GRM8: variants seen among roughly 807,000 people sequenced by gnomAD.
GRM8 encodes metabotropic glutamate receptor 8.
A neutral mutation model predicts 87.2 loss-of-function variants in GRM8; 47 were observed. That is an observed-to-expected ratio of 0.54 (90% CI 0.43 to 0.69). The LOEUF is 0.69. Ranked by LOEUF, GRM8 falls within the 30% of genes least tolerant of loss-of-function variation. GRM8 has a pLI of 0.00. For missense variants in GRM8, 1,019 were observed against 1,139.2 expected (o/e 0.89, Z 1.52); for synonymous variants, 396 against 404.5 (o/e 0.98, Z 0.25).
rs370701034 is a variant in GRM8, at chr7:126,446,186, C to T, written c.2617G>A (p.Gly873Arg). The change falls in exon 10 of 11, where the codon GGA becomes AGA. Residue 873 changes from glycine (G) to arginine (R), a missense_variant. By Grantham distance (125) the Gly-to-Arg change is moderately radical. Coordinates refer to ENST00000339582, the MANE Select transcript of GRM8 (RefSeq NM_000845.3). ...ACCTCGCCATTTGGTCTGTCATTTCCTTTTTGGATCAGTTTGCTTTGCATG... is the reference window on the plus strand; with the variant it reads ...ACCTCGCCATTTGGTCTGTCATTTCTTTTTTGGATCAGTTTGCTTTGCATG... ...ATMQSKLIQK[G>R]NDRPNGEVKS... 2 of 1,613,052 alleles carry T rather than the reference C, an allele frequency of 1.2e-6. No individual in the cohort carries two copies. Among genetic ancestry groups the T allele is most frequent in the African/African-American group, 1.3e-5 (1 of 74,948 alleles).
At chr7:126,961,545 G>A (rs935285319) in intron 3 of GRM8, among the ~76,000 whole-genome samples, 2 of 152,166 alleles carry the variant, frequency 1.3e-5, no homozygotes, top group East Asian at 1.9e-4. Flanking sequence ...TCAGCACCAT[G>A]GGATCCTACT....
chr7:127,200,018 G>T (rs1795500666), intron 2 of GRM8, among the ~76,000 whole-genome samples: 1 of 152,152 alleles, frequency 6.6e-6, no homozygotes, highest in Non-Finnish European at 1.5e-5. Flanking sequence ...TAAAGCTTTG[G>T]TATGGACTAA....
intron 8 of GRM8, among the ~76,000 whole-genome samples, chr7:126,586,741 A>G (rs912245521): frequency 1.3e-5 from 2 of 152,224 alleles, no homozygotes; most frequent in Non-Finnish European, 1.5e-5. Context: ...AAGAAAACCT[A>G]GGCAATACCA....
At chr7:126,672,902 T>C (rs1209190642) in intron 7 of GRM8, among the ~76,000 whole-genome samples, 2 of 152,174 alleles carry the variant, frequency 1.3e-5, no homozygotes, top group African/African-American at 4.8e-5. Flanking sequence ...ATCTGCCTGC[T>C]GTTTCCCCAA....
intron 3 of GRM8, among the ~76,000 whole-genome samples, chr7:127,104,774 T>C (rs1484285125): frequency 2.6e-5 from 4 of 152,190 alleles, no homozygotes; most frequent in African/African-American, 7.2e-5. Context: ...ACCATCTAAA[T>C]CCTTTTATGT....
At chr7:126,570,454 T>G (rs1024170584) in intron 8 of GRM8, among the ~76,000 whole-genome samples, 1 of 152,146 alleles carries the variant, frequency 6.6e-6, no homozygotes, top group African/African-American at 2.4e-5. Context: ...TGTATGAATA[T>G]AAAATAAACT....
chr7:126,903,662 T>C (rs1162363549), intron 5 of GRM8, among the ~76,000 whole-genome samples: 1 of 133,334 alleles, frequency 7.5e-6, no homozygotes, highest in Non-Finnish European at 1.6e-5. Flanking sequence ...TGTGTATATA[T>C]ATATGTATAT....
At chr7:127,062,992 C>G (rs1432662229) in intron 3 of GRM8, among the ~76,000 whole-genome samples, 1 of 152,134 alleles carries the variant, frequency 6.6e-6, no homozygotes. Context: ...GTGGCTCACA[C>G]CTGTAATCCC....
chr7:127,142,543 T>A (rs1357175480), intron 2 of GRM8, among the ~76,000 whole-genome samples: 1 of 152,188 alleles, frequency 6.6e-6, no homozygotes, highest in African/African-American at 2.4e-5. Flanking sequence ...CTCAAATTAA[T>A]TCAGAAATTT....
chr7:126,924,319 C>T (rs552161536), intron 3 of GRM8, among the ~76,000 whole-genome samples: 7 of 152,296 alleles, frequency 4.6e-5, no homozygotes, highest in African/African-American at 9.6e-5. Flanking sequence ...TTAAATCTCA[C>T]GGATTTCAAA....
intron 9 of GRM8, among the ~76,000 whole-genome samples, chr7:126,509,247 G>T (rs1181785725): frequency 1.3e-5 from 2 of 152,010 alleles, no homozygotes; most frequent in Non-Finnish European, 2.9e-5. Context: ...GGTTATTGCT[G>T]CAAGAGAATG....
chr7:127,247,619 C>A (rs1231463809), intron 1 of GRM8, among the ~76,000 whole-genome samples: 2 of 152,058 alleles, frequency 1.3e-5, no homozygotes, highest in Admixed American at 1.3e-4. Context: ...GCAGACAGAG[C>A]TCTCCCTTGG....
chr7:126,766,232 CTTTATT>C (rs1014560249), intron 7 of GRM8, among the ~76,000 whole-genome samples: 1 of 152,052 alleles, frequency 6.6e-6, no homozygotes, highest in African/African-American at 2.4e-5. Context: ...AAACAGTTCT[CTTTATT>C]TTTGTACCAA....
At chr7:127,023,852 C>T (rs947306556) in intron 3 of GRM8, among the ~76,000 whole-genome samples, 1 of 152,020 alleles carries the variant, frequency 6.6e-6, no homozygotes, top group Admixed American at 6.6e-5. Context: ...TACATTGGAA[C>T]CCACTATGTA....
At chr7:126,783,421 C>T (rs1177752998) in intron 6 of GRM8, among the ~76,000 whole-genome samples, 2 of 152,144 alleles carry the variant, frequency 1.3e-5, no homozygotes, top group African/African-American at 2.4e-5. Flanking sequence ...TTATGAGATA[C>T]AGTAAAGTAC....
At chr7:126,653,025 C>T (rs1585382767) in intron 7 of GRM8, among the ~76,000 whole-genome samples, 1 of 152,058 alleles carries the variant, frequency 6.6e-6, no homozygotes, top group Non-Finnish European at 1.5e-5. Context: ...TAAGATCCCC[C>T]TAAGGAATAA....
chr7:126,919,162 C>T (rs1804234713), intron 3 of GRM8, among the ~76,000 whole-genome samples: 1 of 152,154 alleles, frequency 6.6e-6, no homozygotes. Context: ...ATCCTCTTCT[C>T]ATCCCTGCAG....
chr7:127,012,248 G>T (rs2132117387), intron 3 of GRM8, among the ~76,000 whole-genome samples: 1 of 152,192 alleles, frequency 6.6e-6, no homozygotes, highest in South Asian at 2.1e-4. Flanking sequence ...GTTTCCTTCT[G>T]ACAAGATCGA....
At chr7:126,749,824 G>A (rs1816204792) in intron 7 of GRM8, among the ~76,000 whole-genome samples, 1 of 152,192 alleles carries the variant, frequency 6.6e-6, no homozygotes, top group South Asian at 2.1e-4. Flanking sequence ...TAAAATGACT[G>A]ACAATATGAC....
Sources: allele counts gnomAD v4.1 joint callset (sites outside exome capture counted in the v4.1 genomes callset), GRCh38; gene constraint gnomAD v4.1.1; transcripts MANE v1.5; gene names NCBI Gene and HGNC (gene_info 2026-07-23, HGNC 2026-07-21).